MFN2: variants seen among roughly 807,000 people sequenced by gnomAD.
The protein encoded by MFN2 is mitofusin-2.
Under a neutral mutation model 87.5 loss-of-function variants are expected in MFN2, and 43 were observed. The observed-to-expected ratio is 0.49, with a 90% CI of 0.38 to 0.63. The LOEUF is 0.63. Among genes scored for constraint, MFN2 ranks in the 30% least tolerant of loss-of-function variants. The pLI is 0.00. For synonymous variants in MFN2, 337 were observed against 359.9 expected, an observed-to-expected ratio of 0.94 and a Z score of 0.72; for missense variants, 743 against 972.8, an observed-to-expected ratio of 0.76 and a Z score of 3.14.
chr1:11,982,157 A>G (rs1333078541), intron 2 of MFN2, 43 bp downstream of exon 2: 1 of 152,188 alleles, frequency 6.6e-6, no homozygotes, highest in East Asian at 1.9e-4. Flanking sequence ...ATTTGAGCTG[A>G]GTGGACAGGG....
chr1:11,988,994 G>A (rs1638551489), intron 2 of MFN2, among the ~76,000 whole-genome samples, 171 bp from the exon 3 acceptor site: 2 of 151,984 alleles, frequency 1.3e-5, no homozygotes, highest in African/African-American at 4.8e-5. Context: ...GAGCCACCGC[G>A]CCCAGCCTGA....
At chr1:11,999,148 C>T in intron 8 of MFN2, 53 bp downstream of exon 8, 4 of 1,470,900 alleles carry the variant, frequency 2.7e-6, no homozygotes, top group Non-Finnish European at 2.9e-6. Context: ...GGAGCACTGC[C>T]TGCCACTGGG....
rs1341422306 is a variant in MFN2 at position 12,001,509 on chromosome 1, G to T, written c.925G>T (p.Val309Leu). The change falls in exon 9 of 19, where the codon GTG becomes TTG. Residue 309 changes from valine (V) to leucine (L), a missense_variant. Transcript: ENST00000235329. Reference protein sequence around the residue: ...DRIFFVSAKEVLNARIQKAQG... With the variant: ...DRIFFVSAKELLNARIQKAQG... ...CATCTTCTTTGTGTCTGCTAAGGAGGTGCTCAACGCCAGGATTCAGAAAGC... is the reference window on the plus strand; with the variant it reads ...CATCTTCTTTGTGTCTGCTAAGGAGTTGCTCAACGCCAGGATTCAGAAAGC... 6.2e-7 allele frequency: 1 copy of T among 1,614,220 alleles called. No homozygotes were observed. Among genetic ancestry groups the T allele is most frequent in the East Asian group, 2.2e-5 (1 of 44,888 alleles).
At chr1:11,996,024 C>A in intron 4 of MFN2, 132 bp from the exon 5 acceptor site, 1 of 1,120,658 alleles carries the variant, frequency 8.9e-7, no homozygotes, top group Non-Finnish European at 1.3e-6. Context: ...TACTCTTTGT[C>A]TCTCAGCACT....
rs1392089408 is a variant in MFN2 at position 12,007,117 on chromosome 1, T to C, written c.1937T>C (p.Val646Ala). 2 of 1,614,024 alleles carry C rather than the reference T, an allele frequency of 1.2e-6. No homozygotes were observed. Among genetic ancestry groups the C allele is most frequent in the Non-Finnish European group, 1.7e-6 (2 of 1,180,026 alleles). The change falls in exon 17 of 19, where the codon GTC (valine) becomes GCC (alanine). Residue 646 changes from valine (V) to alanine (A), a missense_variant. By Grantham distance (64) the Val-to-Ala change is moderately conservative (BLOSUM62 0). Around this residue, in one of 3 missense-constraint regions of MFN2, gnomAD observed 571 missense variants for 670.7 expected, o/e 0.85. Coordinates refer to ENST00000235329, the MANE Select transcript of MFN2 (RefSeq NM_014874.4). ...TTTGGGCTCTATGGCCTCCTCTACG[T>C]CTATGAGCGTCTGACCTGGACCACC... ...LSFGLYGLLY[V>A]YERLTWTTKA...
At chr1:12,001,377 T>G (rs1324003351) in intron 8 of MFN2, 24 bp from the exon 9 acceptor site, 4 of 1,612,688 alleles carry the variant, frequency 2.5e-6, no homozygotes, top group Non-Finnish European at 3.4e-6. Flanking sequence ...ACACTCACTC[T>G]GGACACATTT....
At chr1:11,987,646 A>AAAAAG (rs1406609849) in intron 2 of MFN2, among the ~76,000 whole-genome samples, 1 of 150,742 alleles carries the variant, frequency 6.6e-6, no homozygotes. Flanking sequence ...AAAAAAAAAA[A>AAAAAG]ATGTTGGCTG....
chr1:12,006,353 A>C (rs1639414802), intron 15 of MFN2, among the ~76,000 whole-genome samples, 185 bp from the exon 16 acceptor site: 1 of 152,140 alleles, frequency 6.6e-6, no homozygotes, highest in African/African-American at 2.4e-5. Flanking sequence ...CACATTTTGC[A>C]CGTCCCGTGG....
chr1:11,984,303 A>C (rs536342983), intron 2 of MFN2, among the ~76,000 whole-genome samples: 11 of 151,994 alleles, frequency 7.2e-5, no homozygotes, highest in African/African-American at 2.7e-4. Flanking sequence ...CGGGTAAGGG[A>C]GTGGTGTGTG....
intron 4 of MFN2, among the ~76,000 whole-genome samples, chr1:11,994,452 T>A (rs1197840154): frequency 1.3e-5 from 2 of 151,908 alleles, no homozygotes; most frequent in African/African-American, 4.8e-5. Context: ...TAGCTGGGTG[T>A]GGTGGCGGGC....
At chr1:12,011,005 C>T (rs1639668476) in intron 18 of MFN2, among the ~76,000 whole-genome samples, 1 of 151,824 alleles carries the variant, frequency 6.6e-6, no homozygotes, top group Admixed American at 6.6e-5. Flanking sequence ...TGGGCTTTCC[C>T]TGCCCTCGAC....
rs1244060939 is a variant in MFN2 at position 11,998,076 on chromosome 1, G to GT, written c.599+658dup. Reference sequence around the variant, plus strand: ...ATTTTGTATTTTTAGTAGAGACGGGGTTTCACCATGTTGGCCAGGCTGGTC... The same window carrying GT: ...ATTTTGTATTTTTAGTAGAGACGGGGTTTTCACCATGTTGGCCAGGCTGGTC... On this transcript the variant is annotated intron_variant, in intron 6 of 18. Transcript: ENST00000235329. Among the ~76,000 whole-genome samples the GT allele has an allele frequency of 1.1e-4, 17 of 150,872 alleles. 1 individual carries two copies. In the East Asian group the frequency reaches 1.8e-3, roughly 16 times the overall value.
In MFN2 at chr1:12,004,801, T is replaced by C. The variant is rs367741027; in HGVS notation, c.1393-24T>C. On this transcript the variant is annotated intron_variant, in intron 13 of 18. Coordinates refer to ENST00000235329, the MANE Select transcript of MFN2 (RefSeq NM_014874.4). This position sits in a 1 kb window ranked among gnomAD's most constrained non-coding sequence, Gnocchi z 4.2. The stretch of plus-strand genomic sequence containing the variant: ...GGGAATTTTGATGGACATGCTTCTC[T>C]TAACTTCCCTCTTCTGGTGGCAGGA... The C allele has an allele frequency of 1.2e-5, 20 of 1,610,092 alleles. No individual in the cohort carries two copies. In the African/African-American group the frequency reaches 1.7e-4, roughly 14 times the overall value.
chr1:11,986,775 G>A (rs1032868685), intron 2 of MFN2, among the ~76,000 whole-genome samples: 19 of 151,972 alleles, frequency 1.3e-4, no homozygotes, highest in Non-Finnish European at 2.8e-4. Context: ...ATTTTTAGCA[G>A]AGAAGGGGTT....
intron 3 of MFN2, among the ~76,000 whole-genome samples, chr1:11,989,877 G>A (rs1043273772): frequency 2.0e-5 from 3 of 152,168 alleles, no homozygotes; most frequent in Non-Finnish European, 4.4e-5. Context: ...CCAACCTCTA[G>A]TTCCTTGTCT....
intron 4 of MFN2, among the ~76,000 whole-genome samples, chr1:11,993,969 G>A (rs1638804088): frequency 6.6e-6 from 1 of 152,124 alleles, no homozygotes; most frequent in Non-Finnish European, 1.5e-5. Context: ...CCCTTATCCA[G>A]ATTGAAATGG....
chr1:11,984,542 T>C (rs1300967784), intron 2 of MFN2, among the ~76,000 whole-genome samples: 1 of 152,232 alleles, frequency 6.6e-6, no homozygotes, highest in East Asian at 1.9e-4. Flanking sequence ...GGATCCAGGC[T>C]CATAACTCCT....
intron 17 of MFN2, 90 bp from the exon 18 acceptor site, chr1:12,009,502 G>A (rs1315038869): frequency 6.3e-7 from 1 of 1,576,406 alleles, no homozygotes; most frequent in Non-Finnish European, 8.7e-7. Context: ...ATATAGACAG[G>A]CCCAGCTGCT....
intron 5 of MFN2, among the ~76,000 whole-genome samples, chr1:11,996,680 C>T (rs1638921237): frequency 6.6e-6 from 1 of 152,134 alleles, no homozygotes; most frequent in Admixed American, 6.5e-5. Flanking sequence ...CAGGGACCGA[C>T]ACTCTGAGTT....
Sources: gnomAD v4.1 joint callset for allele counts (sites outside exome capture counted in the v4.1 genomes callset) on GRCh38, gnomAD v4.1.1 for gene constraint, gnomAD v4.1.1 regional missense constraint, Gnocchi (gnomAD v3.1) non-coding constraint, MANE v1.5 for transcripts, NCBI Gene and HGNC (gene_info 2026-07-23, HGNC 2026-07-21) for gene names.